Variants in THRB observed in about 807,000 individuals in gnomAD.
THRB encodes thyroid hormone receptor beta, also known as nuclear receptor subfamily 1 group A member 2.
A neutral mutation model predicts 47.8 loss-of-function variants in THRB; 12 were observed. The ratio of observed to expected loss-of-function variants is 0.25; its 90% CI spans 0.16 to 0.41. The LOEUF is 0.41. Among genes scored for constraint, THRB ranks in the 10% least tolerant of loss-of-function variants. The pLI, the probability that THRB is intolerant of heterozygous loss-of-function variation, is 1.00. For synonymous variants in THRB, 218 were observed against 212.2 expected (o/e 1.03, Z -0.24); for missense variants, 348 against 589.2 (o/e 0.59, Z 4.24).
intron 3 of THRB, among the ~76,000 whole-genome samples, chr3:24,288,661 C>A (rs2055591066): frequency 6.6e-6 from 1 of 152,146 alleles, no homozygotes; most frequent in South Asian, 2.1e-4. Context: ...TGATTGACTG[C>A]CAAGACTTAA....
chr3:24,429,780 C>T (rs1049291478), intron 1 of THRB, among the ~76,000 whole-genome samples: 1 of 152,044 alleles, frequency 6.6e-6, no homozygotes, highest in Non-Finnish European at 1.5e-5. Flanking sequence ...AAGTGCTGTG[C>T]TGGGATTACA....
chr3:24,322,052 G>T (rs1309981492), intron 2 of THRB, among the ~76,000 whole-genome samples: 1 of 151,704 alleles, frequency 6.6e-6, no homozygotes, highest in African/African-American at 2.4e-5. Context: ...GACAGTACTG[G>T]GTTATAGTAT....
At chr3:24,168,238 G>C (rs2039913518) in intron 5 of THRB, among the ~76,000 whole-genome samples, 1 of 152,006 alleles carries the variant, frequency 6.6e-6, no homozygotes, top group African/African-American at 2.4e-5. Flanking sequence ...CTCACATCCT[G>C]ATAGAAGCAA....
At chr3:24,142,034 T>A (rs2035514245) in intron 8 of THRB, among the ~76,000 whole-genome samples, 1 of 152,208 alleles carries the variant, frequency 6.6e-6, no homozygotes, top group Non-Finnish European at 1.5e-5. Flanking sequence ...GAGAGGCTGC[T>A]CCTCCAAAGA....
At position 24,399,393 on chromosome 3, in the gene THRB, T is replaced by C. The variant is rs566683902; in HGVS notation, c.-260-62022A>G. Among the ~76,000 whole-genome samples the C allele has an allele frequency of 9.9e-5, 15 of 152,166 alleles. No homozygotes were observed. The South Asian group carries it at 2.7e-3, about 27-fold the overall frequency. ...AACAGATGAACTGGGAAAAAATGTA[T>C]TACCAAAAGGCAGCACTAGCTATAT... On this transcript the variant is annotated intron_variant, in intron 1 of 10. Coordinates refer to ENST00000646209, the MANE Select transcript of THRB (RefSeq NM_001354712.2).
At chr3:24,261,602 T>A (rs1040572686) in intron 3 of THRB, among the ~76,000 whole-genome samples, 5 of 152,092 alleles carry the variant, frequency 3.3e-5, no homozygotes, top group Admixed American at 1.3e-4. Context: ...GGAGTTGTCC[T>A]TACTCCCTGA....
chr3:24,118,967 A>C lies in THRB; in HGVS notation c.*3917T>G, dbSNP rs1204241128. On this transcript the variant is annotated 3_prime_UTR_variant, in exon 11 of 11. Transcript: ENST00000646209. ...GATAAGGCCAAACCTTTTTTCCCCCAGTCTGGTTTTTTTTTTTTTTTTTTT... is the reference window on the plus strand; with the variant it reads ...GATAAGGCCAAACCTTTTTTCCCCCCGTCTGGTTTTTTTTTTTTTTTTTTT... The C allele has an allele frequency of 2.0e-5, 2 of 98,328 alleles. No homozygotes were observed. The highest frequency in any genetic ancestry group is 1.0e-4 in the Admixed American group (1 of 9,814). The allele number at this position is 98,328 out of a possible 1,614,324, so 6.1% of individuals were successfully genotyped here. A position where few individuals can be genotyped will look rare whatever the true frequency, so the allele number is the denominator to read the frequency against.
At chr3:24,338,408 A>G (rs1023579488) in intron 1 of THRB, among the ~76,000 whole-genome samples, 2 of 152,212 alleles carry the variant, frequency 1.3e-5, no homozygotes, top group Non-Finnish European at 2.9e-5. Flanking sequence ...TAATTTACCT[A>G]TATGATATGA....
At chr3:24,239,258 T>A (rs916279772) in intron 3 of THRB, among the ~76,000 whole-genome samples, 6 of 152,220 alleles carry the variant, frequency 3.9e-5, no homozygotes, top group South Asian at 2.1e-4. Flanking sequence ...TAGGTTCTTG[T>A]TTAATTCTGC....
chr3:24,454,948 T>C (rs969827651), intron 1 of THRB, among the ~76,000 whole-genome samples: 3 of 151,926 alleles, frequency 2.0e-5, no homozygotes, highest in African/African-American at 7.3e-5. Flanking sequence ...AAATGTAGAG[T>C]AGTGAATGGT....
intron 5 of THRB, among the ~76,000 whole-genome samples, chr3:24,181,071 T>G (rs12496664): frequency 0.059 from 9,018 of 152,262 alleles, 295 homozygotes; most frequent in South Asian, 0.074. Context: ...AGACTCCTAT[T>G]TTCCTGGGAA....
chr3:24,327,819 AAC>A (rs2061687250), intron 2 of THRB, among the ~76,000 whole-genome samples: 1 of 152,242 alleles, frequency 6.6e-6, no homozygotes, highest in Non-Finnish European at 1.5e-5. Context: ...GAGTGAGCCC[AAC>A]AGGCATATTG....
intron 1 of THRB, among the ~76,000 whole-genome samples, chr3:24,382,298 C>T (rs2065774052): frequency 6.6e-6 from 1 of 151,990 alleles, no homozygotes; most frequent in Non-Finnish European, 1.5e-5. Context: ...TGTTAAATGC[C>T]TTTTTGGTAT....
intron 3 of THRB, among the ~76,000 whole-genome samples, chr3:24,277,004 G>A (rs1016173962): frequency 2.0e-5 from 3 of 152,188 alleles, no homozygotes; most frequent in African/African-American, 4.8e-5. Context: ...AATGATTTAG[G>A]AGGAGGGGTA....
chr3:24,298,652 A>G (rs985497534), intron 2 of THRB, among the ~76,000 whole-genome samples: 1 of 152,168 alleles, frequency 6.6e-6, no homozygotes, highest in African/African-American at 2.4e-5. Context: ...TACAGATAAG[A>G]ATTATCGTCA....
At chr3:24,179,204 C>A (rs2041581639) in intron 5 of THRB, among the ~76,000 whole-genome samples, 1 of 152,142 alleles carries the variant, frequency 6.6e-6, no homozygotes, top group African/African-American at 2.4e-5. Context: ...ACTCCCCCTC[C>A]AAGGGGGTGG....
chr3:24,460,039 T>C (rs560106195), intron 1 of THRB, among the ~76,000 whole-genome samples: 2 of 152,310 alleles, frequency 1.3e-5, no homozygotes, highest in African/African-American at 4.8e-5. Context: ...CAGTGCCTAA[T>C]GTTTTACCTG....
intron 1 of THRB, among the ~76,000 whole-genome samples, chr3:24,369,410 A>G (rs1345716864): frequency 6.6e-6 from 1 of 152,170 alleles, no homozygotes; most frequent in African/African-American, 2.4e-5. Flanking sequence ...GTTTGAACTC[A>G]TGTCTATATT....
At chr3:24,477,085 G>GGTGTGT (rs71855335) in intron 1 of THRB, among the ~76,000 whole-genome samples, 3,603 of 137,602 alleles carry the variant, frequency 0.026, 135 homozygotes, top group African/African-American at 0.089. Flanking sequence ...CATATAAAGG[G>GGTGTGT]GTGTGTGTGT....
Sources: allele counts gnomAD v4.1 joint callset (sites outside exome capture counted in the v4.1 genomes callset), GRCh38; gene constraint gnomAD v4.1.1; transcripts MANE v1.5; gene names NCBI Gene and HGNC (gene_info 2026-07-23, HGNC 2026-07-21).